The following PKNOX1 variants were observed in gnomAD, a reference collection of about 807,000 sequenced individuals.
The protein encoded by PKNOX1 is PBX/knotted 1 homeobox 1, also known as homeobox protein PKNOX1.
Under a neutral mutation model 51.9 loss-of-function variants are expected in PKNOX1, and 15 were observed. That is an observed-to-expected ratio of 0.29 (90% confidence interval 0.19 to 0.45). The LOEUF is 0.45. Ranked by LOEUF, PKNOX1 falls within the 20% of genes least tolerant of loss-of-function variation. The pLI is 1.00. For missense variants in PKNOX1, 462 were observed against 547.5 expected (o/e 0.84, Z 1.56); for synonymous variants, 219 against 211.1 (o/e 1.04, Z -0.32).
rs1568904080 is a variant in PKNOX1, at chr21:43,022,622, G to T, written c.849+1191G>T. Among the ~76,000 whole-genome samples, 4 of 152,316 alleles carry T rather than the reference G, an allele frequency of 2.6e-5. 1 individual carries two copies. The South Asian group carries it at 8.3e-4, about 32-fold the overall frequency. ...AAAGGTAGCAAGCCACACATGTCAG[G>T]AGAAAGGCGTGCTACCTGTGAGCAG... is the stretch of plus-strand genomic sequence containing the variant. On this transcript the variant is annotated intron_variant, in intron 8 of 10. Transcript: ENST00000291547.
intron 5 of PKNOX1, among the ~76,000 whole-genome samples, chr21:43,014,274 G>A (rs962706345): frequency 1.3e-5 from 2 of 152,088 alleles, no homozygotes; most frequent in Non-Finnish European, 2.9e-5. Flanking sequence ...GCCCGCCTTG[G>A]CCTCCCAAAG....
chr21:42,988,188 A>C (rs773984865), intron 1 of PKNOX1, among the ~76,000 whole-genome samples: 37 of 151,848 alleles, frequency 2.4e-4, no homozygotes, highest in Admixed American at 8.5e-4. Flanking sequence ...TGAGTAGCTG[A>C]AATAGGCGCG....
intron 1 of PKNOX1, among the ~76,000 whole-genome samples, chr21:42,979,756 AAG>A (rs2059017468): frequency 6.6e-6 from 1 of 152,248 alleles, no homozygotes; most frequent in East Asian, 1.9e-4. Context: ...AAAAAGAAAA[AAG>A]AAAAATGAGG....
intron 1 of PKNOX1, among the ~76,000 whole-genome samples, chr21:42,989,958 G>A (rs447896): frequency 0.35 from 53,712 of 151,778 alleles, 9,878 homozygotes; most frequent in African/African-American, 0.41. Flanking sequence ...AGTAAACCGG[G>A]TGTGGTGGTG....
chr21:43,017,841 C>G (rs1275399123), intron 6 of PKNOX1: 3 of 255,488 alleles, frequency 1.2e-5, no homozygotes, highest in African/African-American at 6.8e-5. Context: ...GACAAGTCAA[C>G]TGGCAAAGGA....
Position 43,007,534 on chromosome 21 carries a change from G to A in PKNOX1, c.95G>A (p.Cys32Tyr). ...TTAAAGACAGAACAAGATCCAAACT[G>A]CTCTGAACCCGATGCAGAAGGAGTG... is the stretch of plus-strand genomic sequence containing the variant. ...TELKTEQDPN[C>Y]SEPDAEGVSP... The change falls in exon 3 of 11, where the codon TGC becomes TAC. Residue 32 changes from cysteine to tyrosine, a missense_variant. Physicochemically the swap from Cys to Tyr is radical, Grantham distance 194 (BLOSUM62 -2). Coordinates refer to ENST00000291547, the MANE Select transcript of PKNOX1 (RefSeq NM_004571.5). 6.2e-7 allele frequency: 1 copy of A among 1,613,982 alleles called. No homozygotes were observed. The highest frequency in any genetic ancestry group is 8.5e-7 in the Non-Finnish European group (1 of 1,179,854).
Position 43,030,079 on chromosome 21 carries a change from A to G in PKNOX1, c.1289A>G (p.Glu430Gly). The change falls in exon 11 of 11, where the codon GAG (glutamate) becomes GGG (glycine). Residue 430 changes from glutamate to glycine, a missense_variant. Glu to Gly is a moderately conservative substitution (Grantham distance 98). Around this residue, in one of 5 missense-constraint regions of PKNOX1, gnomAD observed 118 missense variants for 116.8 expected, o/e 1.01. Transcript: ENST00000291547. ...APAHISGLVL[E>G]NSDSLQ is the part of the protein sequence containing the mutation. The stretch of plus-strand genomic sequence containing the variant: ...GCCCACATCAGCGGGCTGGTCTTGG[A>G]GAACAGTGACTCCCTGCAGTAGGGG... The G allele has an allele frequency of 2.5e-6, 4 of 1,604,770 alleles. No individual in the cohort carries two copies. Among genetic ancestry groups the G allele is most frequent in the Non-Finnish European group, 3.4e-6 (4 of 1,172,346 alleles).
chr21:43,008,671 C>G (rs1255616975), intron 3 of PKNOX1, among the ~76,000 whole-genome samples: 1 of 151,776 alleles, frequency 6.6e-6, no homozygotes, highest in Non-Finnish European at 1.5e-5. Context: ...CCCAGCTACT[C>G]TGGAGGCTGA....
intron 3 of PKNOX1, among the ~76,000 whole-genome samples, chr21:43,008,683 G>A (rs765743754): frequency 1.3e-5 from 2 of 152,138 alleles, no homozygotes; most frequent in African/African-American, 4.8e-5. Context: ...GGAGGCTGAG[G>A]TGGGAGAATC....
chr21:43,014,654 G>C (rs1273613891), intron 5 of PKNOX1, among the ~76,000 whole-genome samples: 1 of 152,082 alleles, frequency 6.6e-6, no homozygotes, highest in African/African-American at 2.4e-5. Context: ...TCACTATGTT[G>C]CCCAGGCTTG....
intron 9 of PKNOX1, among the ~76,000 whole-genome samples, chr21:43,026,541 G>A (rs1216797365): frequency 2.6e-5 from 4 of 152,040 alleles, no homozygotes; most frequent in East Asian, 1.9e-4. Flanking sequence ...GGCAGATCAC[G>A]AGGTCAGGAG....
chr21:43,019,245 T>C (rs1299985814), intron 7 of PKNOX1, among the ~76,000 whole-genome samples: 3 of 147,568 alleles, frequency 2.0e-5, no homozygotes, highest in Non-Finnish European at 4.5e-5. Flanking sequence ...ATGCAAAAAT[T>C]AGCTGGATGT....
chr21:42,994,058 C>T (rs1276508093), intron 1 of PKNOX1, among the ~76,000 whole-genome samples: 2 of 117,900 alleles, frequency 1.7e-5, no homozygotes. Flanking sequence ...TTTTTTAAGG[C>T]AAGGCGGGGT....
At chr21:42,982,941 C>G (rs2059034221) in intron 1 of PKNOX1, among the ~76,000 whole-genome samples, 2 of 151,728 alleles carry the variant, frequency 1.3e-5, no homozygotes, top group Non-Finnish European at 2.9e-5. Flanking sequence ...TACTGAGTAG[C>G]TGGGATTACA....
At position 43,021,936 on chromosome 21, in the gene PKNOX1, G is replaced by A. The variant is rs1979777138; in HGVS notation, c.849+505G>A. ...ACCCGGCTTCCTCCCCCGGGCCATG[G>A]CCGCGTCTTCTCCCTGTCCCCAGGA... is the stretch of plus-strand genomic sequence containing the variant. On this transcript the variant is annotated intron_variant, in intron 8 of 10. Coordinates refer to ENST00000291547, the MANE Select transcript of PKNOX1 (RefSeq NM_004571.5). The surrounding 1 kb of genome is among the most constrained non-coding windows in gnomAD (Gnocchi z 4.6). Among the ~76,000 whole-genome samples, 1 of 152,230 alleles carries A rather than the reference G, an allele frequency of 6.6e-6. No homozygotes were observed. Among genetic ancestry groups the A allele is most frequent in the Non-Finnish European group, 1.5e-5 (1 of 68,040 alleles).
chr21:43,018,218 C>G lies in PKNOX1; in HGVS notation c.708C>G (p.Ile236Met). 1 of 1,612,334 alleles carries G rather than the reference C, an allele frequency of 6.2e-7. No homozygotes were observed. The highest frequency in any genetic ancestry group is 8.5e-7 in the Non-Finnish European group (1 of 1,178,526). Residue 236 changes from isoleucine (I) to methionine (M), a missense_variant, in exon 7 of 11, where the codon ATC becomes ATG. Coordinates refer to ENST00000291547, the MANE Select transcript of PKNOX1 (RefSeq NM_004571.5). ...TQTLSPGTIRIQNSQLQLQLN... is the reference protein window; with the variant it reads ...TQTLSPGTIRMQNSQLQLQLN... ...CATTGTCGCCTGGGACAATTAGGATCCAGAACTCCCAGGTGCGTGCGCCAT... is the reference window on the plus strand; with the variant it reads ...CATTGTCGCCTGGGACAATTAGGATGCAGAACTCCCAGGTGCGTGCGCCAT...
chr21:43,000,021 CAGTTCCCAACA>C (rs1978679537), intron 1 of PKNOX1, among the ~76,000 whole-genome samples: 1 of 152,112 alleles, frequency 6.6e-6, no homozygotes, highest in Non-Finnish European at 1.5e-5. Flanking sequence ...ACCTTTGCTC[CAGTTCCCAACA>C]AGTTCCCCAC....
At chr21:43,024,558 C>T in intron 8 of PKNOX1, 1 of 269,142 alleles carries the variant, frequency 3.7e-6, no homozygotes, top group Non-Finnish European at 7.0e-6. Context: ...TTGTATCAAG[C>T]CTGGTGTAGA....
At chr21:42,982,083 G>A (rs1427762221) in intron 1 of PKNOX1, among the ~76,000 whole-genome samples, 1 of 152,118 alleles carries the variant, frequency 6.6e-6, no homozygotes, top group African/African-American at 2.4e-5. Context: ...CCCTTTTCCA[G>A]CACCCACCTC....
Sources: allele counts gnomAD v4.1 joint callset (sites outside exome capture counted in the v4.1 genomes callset), GRCh38; gene constraint gnomAD v4.1.1; regional missense constraint gnomAD v4.1.1; non-coding constraint Gnocchi (gnomAD v3.1); transcripts MANE v1.5; gene names NCBI Gene and HGNC (gene_info 2026-07-23, HGNC 2026-07-21).